The following PAMR1 variants were observed in gnomAD, a reference collection of about 807,000 sequenced individuals.
PAMR1 encodes the protein inactive serine protease PAMR1.
In PAMR1, 88 loss-of-function variants were observed where a neutral mutation model predicts 81.8. That is an observed-to-expected ratio of 1.08 (90% CI 0.91 to 1.28). The LOEUF (loss-of-function observed/expected upper bound fraction) is 1.28. Among genes scored for constraint, PAMR1 ranks in the 50% most tolerant of loss-of-function variants. The pLI, the probability that PAMR1 is intolerant of heterozygous loss-of-function variation, is 0.00. For missense variants in PAMR1, 935 were observed against 919.7 expected (o/e 1.02, Z -0.21); for synonymous variants, 336 against 345.3 (o/e 0.97, Z 0.30).
chr11:35,448,211 C>T (rs1212348999), intron 6 of PAMR1, among the ~76,000 whole-genome samples: 2 of 152,188 alleles, frequency 1.3e-5, no homozygotes, highest in African/African-American at 2.4e-5. Flanking sequence ...TGGGGAAGTT[C>T]TCCTAGATGA....
At chr11:35,520,726 T>C (rs1231980893) in intron 1 of PAMR1, among the ~76,000 whole-genome samples, 1 of 152,202 alleles carries the variant, frequency 6.6e-6, no homozygotes, top group African/African-American at 2.4e-5. Context: ...TATTCCCTCA[T>C]TTATCATGGA....
At position 35,449,869 on chromosome 11, in the gene PAMR1, G is replaced by A. The variant is rs542683721; in HGVS notation, c.821-8176C>T. 7.9e-5 allele frequency among the ~76,000 whole-genome samples: 12 copies of A among 152,172 alleles called. No individual in the cohort carries two copies. In the East Asian group the frequency reaches 1.2e-3, roughly 15 times the overall value. On this transcript the variant is annotated intron_variant, in intron 6 of 10. Coordinates refer to ENST00000619888, the MANE Select transcript of PAMR1 (RefSeq NM_001001991.3). ...GTTTGCCTTACTCCATGCAGCTCCC[G>A]GCTGGGCCATCACTCCACTCTGCTT...
intron 3 of PAMR1, among the ~76,000 whole-genome samples, chr11:35,477,059 G>A (rs1374127706): frequency 1.3e-5 from 2 of 152,106 alleles, no homozygotes; most frequent in Non-Finnish European, 1.5e-5. Flanking sequence ...TAATAAGTTC[G>A]ACTGCCACTT....
Position 35,474,764 on chromosome 11 carries a change from T to C in PAMR1, c.380-20A>G. ...CACATCCTAAGAAAAGAAGAAAAGA[T>C]TGGGACATAAAAATGGAGGTCAATA... On this transcript the variant is annotated intron_variant, in intron 3 of 10. Transcript: ENST00000619888. 2.6e-6 allele frequency: 4 copies of C among 1,557,876 alleles called. No individual in the cohort carries two copies. The highest frequency in any genetic ancestry group is 1.4e-5 in the African/African-American group (1 of 73,254).
Position 35,465,045 on chromosome 11 carries a change from C to T in PAMR1, c.820+2956G>A, listed in dbSNP as rs1253637855. ...TGAAGCATCTGGAGTCTCACCAAGACATACAGCAAGTGTCGTGTCTGAGAG... is the reference window on the plus strand; with the variant it reads ...TGAAGCATCTGGAGTCTCACCAAGATATACAGCAAGTGTCGTGTCTGAGAG... On this transcript the variant is annotated intron_variant, in intron 6 of 10. Transcript: ENST00000619888. 3.9e-5 allele frequency among the ~76,000 whole-genome samples: 6 copies of T among 152,216 alleles called. No individual in the cohort carries two copies. The East Asian group carries it at 9.6e-4, about 24-fold the overall frequency.
At chr11:35,506,904 C>T (rs646660) in intron 1 of PAMR1, among the ~76,000 whole-genome samples, 66,891 of 149,018 alleles carry the variant, frequency 0.45, 15,426 homozygotes, top group East Asian at 0.69. Context: ...AAGCTTTCTA[C>T]GCTTTGCTCT....
chr11:35,483,712 T>A (rs1312013571), intron 3 of PAMR1, among the ~76,000 whole-genome samples: 2 of 152,214 alleles, frequency 1.3e-5, no homozygotes, highest in Non-Finnish European at 2.9e-5. Flanking sequence ...TTATTTTCTT[T>A]GGTTTAATCT....
At chr11:35,467,078 C>T (rs1345632550) in intron 6 of PAMR1, among the ~76,000 whole-genome samples, 9 of 152,116 alleles carry the variant, frequency 5.9e-5, no homozygotes, top group Non-Finnish European at 1.0e-4. Flanking sequence ...GCAGCCCGCA[C>T]CCAATGACTG....
At chr11:35,476,238 T>G (rs1221754890) in intron 3 of PAMR1, among the ~76,000 whole-genome samples, 1 of 152,190 alleles carries the variant, frequency 6.6e-6, no homozygotes, top group African/African-American at 2.4e-5. Flanking sequence ...CCAGCCTCCA[T>G]CATCTCTCTC....
chr11:35,462,776 A>G (rs905759519), intron 6 of PAMR1, among the ~76,000 whole-genome samples: 1 of 152,170 alleles, frequency 6.6e-6, no homozygotes, highest in Non-Finnish European at 1.5e-5. Context: ...GGCTCATAGG[A>G]GCTAAATGAC....
intron 6 of PAMR1, among the ~76,000 whole-genome samples, chr11:35,449,963 T>C (rs1180281845): frequency 1.3e-5 from 2 of 151,902 alleles, no homozygotes; most frequent in Non-Finnish European, 2.9e-5. Context: ...ATACCTCAGC[T>C]GAAAGTGCAG....
At chr11:35,505,763 T>C (rs1850937800) in intron 1 of PAMR1, among the ~76,000 whole-genome samples, 1 of 152,190 alleles carries the variant, frequency 6.6e-6, no homozygotes, top group African/African-American at 2.4e-5. Flanking sequence ...GGTGGGTTTC[T>C]TGTAGGCAGC....
At position 35,459,201 on chromosome 11, in the gene PAMR1, T is replaced by C. The variant is rs1856599630; in HGVS notation, c.820+8800A>G. Among the ~76,000 whole-genome samples, 7 of 152,262 alleles carry C rather than the reference T, an allele frequency of 4.6e-5. No individual in the cohort carries two copies. In the South Asian group the frequency reaches 1.4e-3, roughly 31 times the overall value. On this transcript the variant is annotated intron_variant, in intron 6 of 10. Coordinates refer to ENST00000619888, the MANE Select transcript of PAMR1 (RefSeq NM_001001991.3). Reference sequence around the variant, plus strand: ...TTGTCCTTGGGCATGGTACACTATGTCTTTCGGATACCACTTTTCCGGTAT... The same window carrying C: ...TTGTCCTTGGGCATGGTACACTATGCCTTTCGGATACCACTTTTCCGGTAT...
intron 3 of PAMR1, among the ~76,000 whole-genome samples, chr11:35,486,986 T>A (rs1028051428): frequency 6.6e-6 from 1 of 152,144 alleles, no homozygotes; most frequent in Non-Finnish European, 1.5e-5. Flanking sequence ...GTGAGTGTGA[T>A]GTGCGCAGAG....
intron 3 of PAMR1, among the ~76,000 whole-genome samples, chr11:35,475,273 A>G (rs979843504): frequency 6.6e-6 from 1 of 152,234 alleles, no homozygotes; most frequent in African/African-American, 2.4e-5. Context: ...TTAATGCATG[A>G]CAGTGGAAAG....
chr11:35,482,219 G>A (rs1467527930), intron 3 of PAMR1, among the ~76,000 whole-genome samples: 1 of 152,176 alleles, frequency 6.6e-6, no homozygotes. Context: ...TGTATAAGAT[G>A]TAAGGAAGGG....
chr11:35,468,028 C>A lies in PAMR1; in HGVS notation c.793G>T (p.Gly265Cys). 6.4e-7 allele frequency: 1 copy of A among 1,562,160 alleles called. No individual in the cohort carries two copies. The highest frequency in any genetic ancestry group is 1.2e-5 in the South Asian group (1 of 84,894). The change falls in exon 6 of 11, where the codon GGC becomes TGC. Residue 265 changes from glycine (G) to cysteine (C), a missense_variant. Gly to Cys is a radical substitution (Grantham distance 159). Coordinates refer to ENST00000619888, the MANE Select transcript of PAMR1 (RefSeq NM_001001991.3). ...TTTTCACAGCGCTGCCCAGTATAGCCTGCCAAGCAGGCACACTTGTAAGAT... is the reference window on the plus strand; with the variant it reads ...TTTTCACAGCGCTGCCCAGTATAGCATGCCAAGCAGGCACACTTGTAAGAT... ...AGSYKCACLAGYTGQRCENLL... is the reference protein window; with the variant it reads ...AGSYKCACLACYTGQRCENLL...
chr11:35,467,613 T>C (rs572343981), intron 6 of PAMR1, among the ~76,000 whole-genome samples: 29 of 152,312 alleles, frequency 1.9e-4, no homozygotes, highest in Admixed American at 5.9e-4. Flanking sequence ...ATAAGTCACA[T>C]TGGAGCCTGT....
intron 4 of PAMR1, among the ~76,000 whole-genome samples, chr11:35,473,620 T>G (rs929139970): frequency 5.9e-5 from 9 of 152,076 alleles, no homozygotes; most frequent in Non-Finnish European, 1.3e-4. Flanking sequence ...CATGCACTAG[T>G]TTTGAAGAGG....
Sources: gnomAD v4.1 joint callset for allele counts (sites outside exome capture counted in the v4.1 genomes callset) on GRCh38, gnomAD v4.1.1 for gene constraint, MANE v1.5 for transcripts, NCBI Gene and HGNC (gene_info 2026-07-23, HGNC 2026-07-21) for gene names.